Variants in GRPEL1 observed in about 807,000 individuals in gnomAD.
GRPEL1 encodes grpE protein homolog 1, mitochondrial.
GRPEL1 carries 13 observed loss-of-function variants against 22.1 expected under a neutral mutation model. The ratio of observed to expected loss-of-function variants is 0.59; its 90% CI spans 0.38 to 0.94. The LOEUF is 0.94. GRPEL1 is among the 40% of genes least tolerant of loss of function. GRPEL1 has a pLI of 0.00. For missense variants in GRPEL1, 289 were observed against 264.6 expected, an observed-to-expected ratio of 1.09 and a Z score of -0.64; for synonymous variants, 109 against 105.3, an observed-to-expected ratio of 1.03 and a Z score of -0.21.
chr4:7,067,042 ACTTACCC>A (rs1417645755), intron 1 of GRPEL1, among the ~76,000 whole-genome samples: 1 of 152,208 alleles, frequency 6.6e-6, no homozygotes, highest in African/African-American at 2.4e-5. Context: ...TTAAGCTAGC[ACTTACCC>A]CTTAATCACC....
chr4:7,059,447 A>C lies in GRPEL1; in HGVS notation c.*1415T>G, dbSNP rs566854096. 5.3e-5 allele frequency: 8 copies of C among 152,370 alleles called. No homozygotes were observed. Among genetic ancestry groups the C allele is most frequent in the African/African-American group, 1.9e-4 (8 of 41,588 alleles). 9.4% of individuals were successfully genotyped at this position (152,370 alleles called of 1,614,324 possible). A position where few individuals can be genotyped will look rare whatever the true frequency, so the allele number is the denominator to read the frequency against. ...GGGGTGATGATGCACTCACAACCCC[A>C]CAGCGTGAAAACAGGCAGCGCTGGA... On this transcript the variant is annotated 3_prime_UTR_variant, in exon 4 of 4. Transcript: ENST00000264954.
At chr4:7,067,255 G>A (rs1266371265) in intron 1 of GRPEL1, among the ~76,000 whole-genome samples, 1 of 87,518 alleles carries the variant, frequency 1.1e-5, no homozygotes, top group Non-Finnish European at 2.9e-5. Context: ...GGGCAGATTT[G>A]AGGGGAAAAA....
intron 2 of GRPEL1, 46 bp from the exon 3 acceptor site, chr4:7,062,512 ATATC>A (rs755702394): frequency 2.2e-4 from 64 of 286,746 alleles, no homozygotes; most frequent in East Asian, 6.0e-4. Flanking sequence ...ATATATATAT[ATATC>A]TTTTTTTTTG....
chr4:7,067,838 G>T, intron 1 of GRPEL1, 133 bp downstream of exon 1: 1 of 904,496 alleles, frequency 1.1e-6, no homozygotes, highest in Non-Finnish European at 1.7e-6. Context: ...GTCCCGCGGC[G>T]GGGAACCGCG....
chr4:7,063,330 C>T (rs1447140222), intron 2 of GRPEL1, among the ~76,000 whole-genome samples: 2 of 152,166 alleles, frequency 1.3e-5, no homozygotes, highest in African/African-American at 4.8e-5. Flanking sequence ...CTCAAGCAAT[C>T]CTCTTGCCTC....
At chr4:7,061,782 G>A (rs890784747) in intron 3 of GRPEL1, 1 of 154,488 alleles carries the variant, frequency 6.5e-6, no homozygotes, top group Non-Finnish European at 1.4e-5. Context: ...ATGCGACAGA[G>A]ACTCTAGCTC....
chr4:7,061,157 T>G lies in GRPEL1; in HGVS notation c.359A>C (p.Lys120Thr), dbSNP rs1310841683. The change falls in exon 4 of 4, where the codon AAG becomes ACG. Residue 120 changes from lysine (K) to threonine (T), a missense_variant. Lys to Thr is a moderately conservative substitution (Grantham distance 78). Transcript: ENST00000264954. ...TTCTTTTGGAACACACTGTGTTGCCTTCTCCAGAACGTCTGCCACCTCCAA... is the reference window on the plus strand; with the variant it reads ...TTCTTTTGGAACACACTGTGTTGCCGTCTCCAGAACGTCTGCCACCTCCAA... ...DLLEVADVLE[K>T]ATQCVPKEEI... The G allele has an allele frequency of 6.2e-7, 1 of 1,614,060 alleles. No homozygotes were observed. The highest frequency in any genetic ancestry group is 8.5e-7 in the Non-Finnish European group (1 of 1,179,988).
At chr4:7,061,427 A>C in intron 3 of GRPEL1, 1 of 532,464 alleles carries the variant, frequency 1.9e-6, no homozygotes, top group East Asian at 3.2e-5. Flanking sequence ...ATTCACTAAA[A>C]TGTGAAGAAA....
In GRPEL1 at chr4:7,062,573, A is replaced by G. The variant is rs190168816; in HGVS notation, c.226-107T>C. On this transcript the variant is annotated intron_variant, in intron 2 of 3. Coordinates refer to ENST00000264954, the MANE Select transcript of GRPEL1 (RefSeq NM_025196.4). ...GTCGCTCAGGCTGGAGTGCAGTGGCATGATCTCAGCTCACTGCAAGCTCCG... is the reference window on the plus strand; with the variant it reads ...GTCGCTCAGGCTGGAGTGCAGTGGCGTGATCTCAGCTCACTGCAAGCTCCG... 3.2e-3 allele frequency: 808 copies of G among 248,804 alleles called. 17 individuals carry two copies. Among genetic ancestry groups the G allele is most frequent in the Admixed American group, 0.03 (530 of 17,632 alleles). The allele number at this position is 248,804 out of a possible 1,614,324, so 15.4% of individuals were successfully genotyped here.
Position 7,062,490 on chromosome 4 carries a change from TTATATA to T in GRPEL1, c.226-30_226-25del, listed in dbSNP as rs59986387. 4.0e-4 allele frequency: 250 copies of T among 617,390 alleles called. 12 individuals carry two copies. The African/African-American group carries it at 5.0e-3, about 12-fold the overall frequency. 38.2% of individuals were successfully genotyped at this position (617,390 alleles called of 1,614,324 possible). A position where few individuals can be genotyped will look rare whatever the true frequency, so the allele number is the denominator to read the frequency against. On this transcript the variant is annotated intron_variant, in intron 2 of 3. Transcript: ENST00000264954. Reference sequence around the variant, plus strand: ...TCCTAAAAGAGAAAAAAAGGGATATTTATATATATATATATATATATATATCTTTTT... The same window carrying T: ...TCCTAAAAGAGAAAAAAAGGGATATTTATATATATATATATATATCTTTTT...
intron 1 of GRPEL1, among the ~76,000 whole-genome samples, chr4:7,066,058 G>A (rs1433673469): frequency 2.0e-5 from 3 of 152,094 alleles, no homozygotes; most frequent in African/African-American, 7.2e-5. Flanking sequence ...GGGTTTCACT[G>A]TGTTAGCCAG....
chr4:7,062,485 G>GAGATGTAT lies in GRPEL1; in HGVS notation c.226-20_226-19insATACATCT, dbSNP rs60458218. On this transcript the variant is annotated intron_variant, in intron 2 of 3. Coordinates refer to ENST00000264954, the MANE Select transcript of GRPEL1 (RefSeq NM_025196.4). Reference sequence around the variant, plus strand: ...ATTTTTCCTAAAAGAGAAAAAAAGGGATATTTATATATATATATATATATA... The same window carrying GAGATGTAT: ...ATTTTTCCTAAAAGAGAAAAAAAGGGAGATGTATATATTTATATATATATATATATATA... 37 of 380,476 alleles carry GAGATGTAT rather than the reference G, an allele frequency of 9.7e-5. 2 individuals are homozygous for GAGATGTAT. In the African/African-American group the frequency reaches 1.7e-3, roughly 18 times the overall value. 23.6% of individuals were successfully genotyped at this position (380,476 alleles called of 1,614,324 possible). A position where few individuals can be genotyped will look rare whatever the true frequency, so the allele number is the denominator to read the frequency against.
intron 1 of GRPEL1, among the ~76,000 whole-genome samples, chr4:7,065,774 A>AC (rs1724152494): frequency 6.6e-6 from 1 of 152,160 alleles, no homozygotes; most frequent in African/African-American, 2.4e-5. Flanking sequence ...AGACCAAGTG[A>AC]TAAGCCCAGG....
chr4:7,064,774 C>T (rs1041257513), intron 1 of GRPEL1, among the ~76,000 whole-genome samples: 2 of 152,200 alleles, frequency 1.3e-5, no homozygotes, highest in Non-Finnish European at 2.9e-5. Context: ...GCTAGGATTA[C>T]AGGCGTGAGC....
Position 7,067,908 on chromosome 4 carries a change from G to GGCCCCCA in GRPEL1, c.62+56_62+62dup, listed in dbSNP as rs1231978787. On this transcript the variant is annotated intron_variant, in intron 1 of 3. Transcript: ENST00000264954. ...GGAAGGAGGCCCCGGGGCCGGGAAA[G>GGCCCCCA]GCCCCCATCGGAGCGGGAGGTCGCG... 1.1e-4 allele frequency: 164 copies of GGCCCCCA among 1,543,636 alleles called. No individual in the cohort carries two copies. In the African/African-American group the frequency reaches 1.7e-3, roughly 16 times the overall value.
intron 1 of GRPEL1, among the ~76,000 whole-genome samples, chr4:7,065,636 AG>A (rs1724148761): frequency 6.6e-6 from 1 of 152,132 alleles, no homozygotes; most frequent in African/African-American, 2.4e-5. Flanking sequence ...TTTGTAGGAT[AG>A]GTAAGAGTTA....
At position 7,061,010 on chromosome 4, in the gene GRPEL1, T is replaced by C; in HGVS notation, c.506A>G (p.Lys169Arg). The C allele has an allele frequency of 1.2e-6, 2 of 1,614,216 alleles. No individual in the cohort carries two copies. Among genetic ancestry groups the C allele is most frequent in the Non-Finnish European group, 1.7e-6 (2 of 1,180,034 alleles). ...GGCCTCATGTTCATAAGGGTCGAACTTGGCTCCGACAGGGTTCAACTTGAG... is the reference window on the plus strand; with the variant it reads ...GGCCTCATGTTCATAAGGGTCGAACCTGGCTCCGACAGGGTTCAACTTGAG... ...GLLKLNPVGA[K>R]FDPYEHEALF... Residue 169 changes from lysine to arginine, a missense_variant, in exon 4 of 4, where the codon AAG (lysine) becomes AGG (arginine). By Grantham distance (26) the Lys-to-Arg change is conservative (BLOSUM62 2). Coordinates refer to ENST00000264954, the MANE Select transcript of GRPEL1 (RefSeq NM_025196.4).
At chr4:7,064,950 G>A (rs907624656) in intron 1 of GRPEL1, among the ~76,000 whole-genome samples, 3 of 152,204 alleles carry the variant, frequency 2.0e-5, no homozygotes, top group Non-Finnish European at 4.4e-5. Context: ...ATGAGCCACT[G>A]TGCCTGTCTT....
At chr4:7,066,853 A>G (rs1724181213) in intron 1 of GRPEL1, among the ~76,000 whole-genome samples, 1 of 152,232 alleles carries the variant, frequency 6.6e-6, no homozygotes, top group African/African-American at 2.4e-5. Context: ...GCCTTTCCCT[A>G]GTTGAGCATC....
Sources: allele counts gnomAD v4.1 joint callset (sites outside exome capture counted in the v4.1 genomes callset), GRCh38; gene constraint gnomAD v4.1.1; transcripts MANE v1.5; gene names NCBI Gene and HGNC (gene_info 2026-07-23, HGNC 2026-07-21).